The following NDST4 variants were observed in gnomAD, a reference collection of about 807,000 sequenced individuals.
NDST4 encodes N-heparan sulfate sulfotransferase 4.
In NDST4, 63 loss-of-function variants were observed where a neutral mutation model predicts 100.8. That is an observed-to-expected ratio of 0.62 (90% CI 0.51 to 0.77). The LOEUF is 0.77. Ranked by LOEUF, NDST4 falls within the 30% of genes least tolerant of loss-of-function variation. The pLI, the probability that NDST4 is intolerant of heterozygous loss-of-function variation, is 0.00. For missense variants in NDST4, 943 were observed against 1,018.4 expected, an observed-to-expected ratio of 0.93 and a Z score of 1.01; for synonymous variants, 377 against 361.8, an observed-to-expected ratio of 1.04 and a Z score of -0.48.
Position 114,935,533 on chromosome 4 carries a change from A to T in NDST4, c.1408-199T>A, listed in dbSNP as rs182933352. On this transcript the variant is annotated intron_variant, in intron 5 of 13. Transcript: ENST00000264363. ...GGGAGTTTCCATATCAAAGGCATAA[A>T]AAATATAGGTTAAATAATTTTCAGT... Among the ~76,000 whole-genome samples the T allele has an allele frequency of 6.7e-3, 1,024 of 152,202 alleles. 6 individuals are homozygous for T. Among genetic ancestry groups the T allele is most frequent in the Middle Eastern group, 0.02 (6 of 294 alleles).
At chr4:114,974,834 G>A (rs1726594258) in intron 3 of NDST4, among the ~76,000 whole-genome samples, 1 of 152,066 alleles carries the variant, frequency 6.6e-6, no homozygotes, top group Non-Finnish European at 1.5e-5. Context: ...CATAAGTGAA[G>A]TAGCCTAAGA....
At chr4:114,916,769 C>A (rs1204350467) in intron 6 of NDST4, among the ~76,000 whole-genome samples, 2 of 151,718 alleles carry the variant, frequency 1.3e-5, no homozygotes, top group African/African-American at 2.4e-5. Context: ...TTAAGCAACT[C>A]TCCCACCCTC....
chr4:115,040,857 T>C (rs1728334363), intron 2 of NDST4, among the ~76,000 whole-genome samples: 2 of 151,956 alleles, frequency 1.3e-5, no homozygotes, highest in South Asian at 4.1e-4. Context: ...TGTGCATATA[T>C]ATATATATTT....
chr4:114,907,830 T>C (rs952668926), intron 6 of NDST4, among the ~76,000 whole-genome samples: 7 of 151,910 alleles, frequency 4.6e-5, no homozygotes, highest in African/African-American at 1.2e-4. Flanking sequence ...CTTATAGGCA[T>C]GAGAAAAAAA....
intron 2 of NDST4, among the ~76,000 whole-genome samples, chr4:115,054,720 A>G (rs748430784): frequency 6.6e-6 from 1 of 152,182 alleles, no homozygotes; most frequent in Non-Finnish European, 1.5e-5. Context: ...GTGATGCACT[A>G]TGAGTTTATT....
At chr4:114,896,771 A>C (rs1415673505) in intron 6 of NDST4, among the ~76,000 whole-genome samples, 1 of 152,200 alleles carries the variant, frequency 6.6e-6, no homozygotes, top group Non-Finnish European at 1.5e-5. Context: ...GCTATTTTAC[A>C]TGGTAATTTT....
At chr4:114,860,919 T>C (rs1435430969) in intron 7 of NDST4, among the ~76,000 whole-genome samples, 2 of 152,224 alleles carry the variant, frequency 1.3e-5, no homozygotes, top group African/African-American at 2.4e-5. Flanking sequence ...TGCTTAGTGA[T>C]ATAGTTGATT....
chr4:114,998,064 T>C (rs1727204527), intron 2 of NDST4, among the ~76,000 whole-genome samples: 1 of 152,064 alleles, frequency 6.6e-6, no homozygotes, highest in Non-Finnish European at 1.5e-5. Context: ...AATGGAATCA[T>C]TTTGCTTTAT....
intron 2 of NDST4, among the ~76,000 whole-genome samples, chr4:115,068,341 C>G (rs1368657035): frequency 6.6e-6 from 1 of 152,026 alleles, no homozygotes; most frequent in Non-Finnish European, 1.5e-5. Context: ...AGGTTCATAT[C>G]CATTGAAAAC....
intron 6 of NDST4, among the ~76,000 whole-genome samples, chr4:114,932,654 T>C (rs999364097): frequency 6.6e-6 from 1 of 151,900 alleles, no homozygotes; most frequent in African/African-American, 2.4e-5. Flanking sequence ...TTGAAGTATA[T>C]GAAATCAATG....
intron 6 of NDST4, among the ~76,000 whole-genome samples, chr4:114,933,550 A>T (rs772999636): frequency 3.3e-5 from 5 of 151,340 alleles, no homozygotes; most frequent in Non-Finnish European, 7.4e-5. Context: ...GGACATAAAT[A>T]ACAGAGTGAA....
At chr4:115,029,101 CA>C (rs1179104217) in intron 2 of NDST4, among the ~76,000 whole-genome samples, 3 of 151,918 alleles carry the variant, frequency 2.0e-5, no homozygotes, top group Non-Finnish European at 2.9e-5. Flanking sequence ...GCAGCAATCC[CA>C]GGGGGAAATA....
At chr4:115,040,509 A>G (rs1169378536) in intron 2 of NDST4, among the ~76,000 whole-genome samples, 1 of 151,348 alleles carries the variant, frequency 6.6e-6, no homozygotes, top group African/African-American at 2.4e-5. Flanking sequence ...ACCTCTCTGT[A>G]TAGGAGAAAG....
chr4:115,110,912 C>T (rs1729940392), intron 1 of NDST4, among the ~76,000 whole-genome samples: 1 of 151,996 alleles, frequency 6.6e-6, no homozygotes, highest in Admixed American at 6.6e-5. Flanking sequence ...AAAGAATTAG[C>T]CTTCTGGGTG....
intron 3 of NDST4, among the ~76,000 whole-genome samples, 157 bp downstream of exon 3, chr4:114,977,030 T>TA (rs1394071681): frequency 1.3e-5 from 2 of 151,912 alleles, no homozygotes; most frequent in African/African-American, 4.8e-5. Context: ...TTTGCCAAGG[T>TA]AAATATGCTC....
chr4:115,066,581 T>A (rs1728951962), intron 2 of NDST4, among the ~76,000 whole-genome samples: 1 of 152,176 alleles, frequency 6.6e-6, no homozygotes, highest in Non-Finnish European at 1.5e-5. Context: ...AAAATTCTAC[T>A]TACTAAAACA....
chr4:115,008,341 A>G lies in NDST4; in HGVS notation c.979-31067T>C, dbSNP rs1727466255. 1.6e-5 allele frequency among the ~76,000 whole-genome samples: 2 copies of G among 128,846 alleles called. 1 individual carries two copies. The highest frequency in any genetic ancestry group is 3.3e-5 in the Non-Finnish European group (2 of 60,244). The allele number at this position is 128,846 out of a possible 152,430, so 84.5% of individuals were successfully genotyped here. On this transcript the variant is annotated intron_variant, in intron 2 of 13. Coordinates refer to ENST00000264363, the MANE Select transcript of NDST4 (RefSeq NM_022569.3). ...TTGGCATGATTTTGCAGTGGCTGGT[A>G]CCAGTTGTTCCTTTCCATGTTTAGC...
At chr4:114,924,833 A>T (rs1725357212) in intron 6 of NDST4, among the ~76,000 whole-genome samples, 1 of 152,164 alleles carries the variant, frequency 6.6e-6, no homozygotes, top group Admixed American at 6.5e-5. Context: ...TAGCTCAAAG[A>T]GAATAATTCC....
At chr4:114,943,616 T>C (rs912094241) in intron 4 of NDST4, among the ~76,000 whole-genome samples, 1 of 152,148 alleles carries the variant, frequency 6.6e-6, no homozygotes, top group Admixed American at 6.5e-5. Flanking sequence ...GAGAGATTAT[T>C]TCCGTTTTCA....
Sources: gnomAD v4.1 joint callset for allele counts (sites outside exome capture counted in the v4.1 genomes callset) on GRCh38, gnomAD v4.1.1 for gene constraint, MANE v1.5 for transcripts, NCBI Gene and HGNC (gene_info 2026-07-23, HGNC 2026-07-21) for gene names.